The following PCDHGB1 variants were observed in gnomAD, a reference collection of about 807,000 sequenced individuals.
The protein encoded by PCDHGB1 is protocadherin gamma-B1.
In PCDHGB1, 34 loss-of-function variants were observed where a neutral mutation model predicts 56.6. That is an observed-to-expected ratio of 0.60 (90% CI 0.46 to 0.80). The LOEUF is 0.80. Ranked by LOEUF, PCDHGB1 falls within the 30% of genes least tolerant of loss-of-function variation. The pLI is 0.00. For synonymous variants in PCDHGB1, 561 were observed against 505.9 expected, an observed-to-expected ratio of 1.11 and a Z score of -1.46; for missense variants, 1,278 against 1,204.6, an observed-to-expected ratio of 1.06 and a Z score of -0.90.
At chr5:141,398,895 A>G (rs2093721929) in intron 1 of PCDHGB1, 3 of 1,613,988 alleles carry the variant, frequency 1.9e-6, no homozygotes, top group African/African-American at 1.3e-5. Flanking sequence ...AAAACGTGCC[A>G]CCAGGCACCA....
chr5:141,508,062 C>T (rs910730855), intron 3 of PCDHGB1: 2 of 152,316 alleles, frequency 1.3e-5, no homozygotes, highest in African/African-American at 4.8e-5. Flanking sequence ...TAATCAGCCT[C>T]CTTGGGCTAC....
At position 141,485,437 on chromosome 5, in the gene PCDHGB1, C is replaced by A. The variant is rs2099613420; in HGVS notation, c.2410-9370C>A. The A allele has an allele frequency of 6.2e-7, 1 of 1,614,174 alleles. No individual in the cohort carries two copies. Among genetic ancestry groups the A allele is most frequent in the Non-Finnish European group, 8.5e-7 (1 of 1,180,028 alleles). On this transcript the variant is annotated intron_variant, in intron 1 of 3. Transcript: ENST00000523390. The surrounding 1 kb of genome is among the most constrained non-coding windows in gnomAD (Gnocchi z 5.7). ...ACAGCGGAGCCCTGCTCATCAAGAA[C>A]CCAATCGACCGAGAGGCACTGTGTG...
At chr5:141,375,670 G>A (rs1186753190) in intron 1 of PCDHGB1, 5 of 1,614,248 alleles carry the variant, frequency 3.1e-6, no homozygotes, top group Non-Finnish European at 4.2e-6. Context: ...GAGACCTACA[G>A]CTGTGGGTGA....
At chr5:141,389,147 G>C (rs530113846) in intron 1 of PCDHGB1, 120 of 1,613,986 alleles carry the variant, frequency 7.4e-5, no homozygotes, top group Admixed American at 4.8e-4. Flanking sequence ...TAACCGTTAC[G>C]GCAACAGATC....
intron 2 of PCDHGB1, among the ~76,000 whole-genome samples, chr5:141,496,279 G>C (rs902362885): frequency 1.3e-5 from 2 of 152,198 alleles, no homozygotes; most frequent in Non-Finnish European, 2.9e-5. Context: ...ACCTTCAGTT[G>C]GTCTGAGCAG....
chr5:141,370,449 C>A (rs376611019), intron 1 of PCDHGB1: 1 of 1,608,576 alleles, frequency 6.2e-7, no homozygotes, highest in African/African-American at 1.3e-5. Context: ...AATGCTATTT[C>A]TCTTCCTGCT....
intron 1 of PCDHGB1, chr5:141,412,147 G>C (rs1447265509): frequency 6.6e-6 from 1 of 152,176 alleles, no homozygotes; most frequent in East Asian, 1.9e-4. Context: ...GATACAAACT[G>C]CCTAAGAGAA....
intron 1 of PCDHGB1, among the ~76,000 whole-genome samples, chr5:141,468,281 C>T (rs568875291): frequency 6.8e-6 from 1 of 147,354 alleles, no homozygotes; most frequent in African/African-American, 2.5e-5. Flanking sequence ...GCCGAGACCA[C>T]GCCATTGCAC....
chr5:141,506,228 A>T (rs538354130), intron 3 of PCDHGB1, among the ~76,000 whole-genome samples: 1 of 152,266 alleles, frequency 6.6e-6, no homozygotes, highest in East Asian at 1.9e-4. Context: ...AGGCAGGAGG[A>T]TCATGAGGTC....
chr5:141,472,878 C>G (rs774209715), intron 1 of PCDHGB1, among the ~76,000 whole-genome samples: 1 of 146,132 alleles, frequency 6.8e-6, no homozygotes, highest in East Asian at 2.1e-4. Context: ...CCCAGCTACT[C>G]GGGAGGCTGA....
rs760714983 is a variant in PCDHGB1 at position 141,389,956 on chromosome 5, T to C, written c.2409+37287T>C. 12 of 1,614,040 alleles carry C rather than the reference T, an allele frequency of 7.4e-6. No homozygotes were observed. In the South Asian group the frequency reaches 7.7e-5, roughly 10 times the overall value. ...CAGGCTGAGCTGCAGTTTTACCTAG[T>C]GGTGGCCTTGGCCTTGATCTCAGTG... is the stretch of plus-strand genomic sequence containing the variant. On this transcript the variant is annotated intron_variant, in intron 1 of 3. Coordinates refer to ENST00000523390, the MANE Select transcript of PCDHGB1 (RefSeq NM_018922.3).
intron 1 of PCDHGB1, among the ~76,000 whole-genome samples, chr5:141,467,254 T>C (rs1291193879): frequency 2.0e-5 from 3 of 152,248 alleles, no homozygotes; most frequent in Admixed American, 6.5e-5. Flanking sequence ...GGTTTCACCA[T>C]GTTGGCCAGG....
rs548823035 is a variant in PCDHGB1 at position 141,499,447 on chromosome 5, C to T, written c.2468+4582C>T. ...AGAAAAAAAATTAAAAGGAAAACCA[C>T]CCATCATTTTACAATCTAGGGAGAA... On this transcript the variant is annotated intron_variant, in intron 2 of 3. Transcript: ENST00000523390. Among the ~76,000 whole-genome samples the T allele has an allele frequency of 3.8e-4, 58 of 152,250 alleles. 1 individual carries two copies. In the East Asian group the frequency reaches 9.1e-3, roughly 24 times the overall value.
intron 1 of PCDHGB1, chr5:141,371,611 C>A (rs561217101): frequency 8.1e-6 from 13 of 1,613,878 alleles, no homozygotes; most frequent in Non-Finnish European, 1.1e-5. Flanking sequence ...AGGTTGGTGA[C>A]AGATGGAGCC....
chr5:141,421,235 A>G (rs1375447356), intron 1 of PCDHGB1: 3 of 1,594,470 alleles, frequency 1.9e-6, no homozygotes, highest in East Asian at 2.2e-5. Context: ...GCCATGGCGA[A>G]TCGGCTACAG....
At chr5:141,495,613 G>A (rs1230710705) in intron 2 of PCDHGB1, among the ~76,000 whole-genome samples, 2 of 152,068 alleles carry the variant, frequency 1.3e-5, no homozygotes, top group Non-Finnish European at 2.9e-5. Flanking sequence ...CTTGATTGCT[G>A]CACCTCAGCC....
chr5:141,361,456 C>A (rs529112132), intron 1 of PCDHGB1: 1 of 1,613,916 alleles, frequency 6.2e-7, no homozygotes, highest in African/African-American at 1.3e-5. Context: ...TGTCACCCTG[C>A]ACATCTCCGA....
intron 2 of PCDHGB1, among the ~76,000 whole-genome samples, chr5:141,501,983 C>G (rs957901405): frequency 6.6e-6 from 1 of 152,068 alleles, no homozygotes; most frequent in Non-Finnish European, 1.5e-5. Flanking sequence ...CATCTGGTCC[C>G]GTTGTCTCCC....
At chr5:141,482,876 AGCCTG>A (rs2099574018) in intron 1 of PCDHGB1, among the ~76,000 whole-genome samples, 1 of 152,142 alleles carries the variant, frequency 6.6e-6, no homozygotes, top group Admixed American at 6.5e-5. Flanking sequence ...GTTTGAAACC[AGCCTG>A]GCCAACATGG....
Sources: gnomAD v4.1 joint callset for allele counts (sites outside exome capture counted in the v4.1 genomes callset) on GRCh38, gnomAD v4.1.1 for gene constraint, Gnocchi (gnomAD v3.1) non-coding constraint, MANE v1.5 for transcripts, NCBI Gene and HGNC (gene_info 2026-07-23, HGNC 2026-07-21) for gene names.